Variants in SORBS2 observed in about 807,000 individuals in gnomAD.
The protein encoded by SORBS2 is sorbin and SH3 domain-containing protein 2.
A neutral mutation model predicts 97.7 loss-of-function variants in SORBS2; 46 were observed. The observed-to-expected ratio is 0.47, with a 90% CI of 0.37 to 0.60. The LOEUF (loss-of-function observed/expected upper bound fraction) is 0.60. SORBS2 is among the 20% of genes least tolerant of loss of function. The probability of loss-of-function intolerance (pLI) is 0.00; values close to 1 mark genes in which losing one functional copy is unlikely to be tolerated. For synonymous variants in SORBS2, 476 were observed against 473.4 expected (o/e 1.01, Z -0.07); for missense variants, 1,316 against 1,282.3 (o/e 1.03, Z -0.40).
chr4:185,804,845 G>C (rs932150984), intron 1 of SORBS2, among the ~76,000 whole-genome samples: 3 of 151,410 alleles, frequency 2.0e-5, no homozygotes, highest in African/African-American at 7.2e-5. Flanking sequence ...TTGATTGACT[G>C]TGTAAGGTCT....
intron 4 of SORBS2, among the ~76,000 whole-genome samples, chr4:185,642,539 C>T (rs546459728): frequency 6.6e-6 from 1 of 152,142 alleles, no homozygotes; most frequent in South Asian, 2.1e-4. Context: ...AAATACGGTT[C>T]TGATTTGTGG....
chr4:185,947,687 T>G (rs980598958), intron 1 of SORBS2, among the ~76,000 whole-genome samples: 1 of 152,208 alleles, frequency 6.6e-6, no homozygotes, highest in Non-Finnish European at 1.5e-5. Context: ...TCTAGCTTAC[T>G]GCAACCTCCG....
chr4:185,789,107 C>T (rs1352890430), intron 1 of SORBS2, among the ~76,000 whole-genome samples: 1 of 152,312 alleles, frequency 6.6e-6, no homozygotes, highest in East Asian at 1.9e-4. Flanking sequence ...ACTTACAGAT[C>T]AAGGACCAGG....
At chr4:185,921,775 G>T (rs555488886) in intron 1 of SORBS2, among the ~76,000 whole-genome samples, 1 of 152,316 alleles carries the variant, frequency 6.6e-6, no homozygotes, top group South Asian at 2.1e-4. Context: ...CAGGATGTCT[G>T]CAAGCCTTCC....
At chr4:185,908,306 T>TACACACAA (rs1318694944) in intron 1 of SORBS2, among the ~76,000 whole-genome samples, 10 of 110,260 alleles carry the variant, frequency 9.1e-5, no homozygotes, top group African/African-American at 3.4e-4. Context: ...TATATATATA[T>TACACACAA]ATATATATAT....
intron 2 of SORBS2, chr4:185,709,824 T>C (rs1448538823): frequency 6.6e-6 from 1 of 152,006 alleles, no homozygotes. Flanking sequence ...ACATTTCTGA[T>C]ATTACTGCCA....
intron 12 of SORBS2, among the ~76,000 whole-genome samples, chr4:185,597,474 C>T (rs1467974931): frequency 4.6e-5 from 7 of 151,964 alleles, no homozygotes; most frequent in Non-Finnish European, 8.8e-5. Flanking sequence ...AATGGTAAAC[C>T]AAAACCCAAA....
intron 1 of SORBS2, among the ~76,000 whole-genome samples, chr4:185,781,858 C>G (rs900316031): frequency 5.3e-5 from 8 of 152,290 alleles, no homozygotes; most frequent in Non-Finnish European, 1.2e-4. Context: ...CTTCCCTGCT[C>G]CACCAGCGTA....
intron 1 of SORBS2, among the ~76,000 whole-genome samples, chr4:185,841,126 G>T (rs1000762627): frequency 8.5e-5 from 13 of 152,204 alleles, no homozygotes; most frequent in Non-Finnish European, 1.3e-4. Flanking sequence ...GATGTTAAAG[G>T]CCAGGCCTTT....
chr4:185,767,207 T>C (rs866339777), intron 2 of SORBS2, among the ~76,000 whole-genome samples: 26 of 152,034 alleles, frequency 1.7e-4, no homozygotes, highest in African/African-American at 5.3e-4. Context: ...TTATTGAAAA[T>C]GAAAGAGCTG....
At chr4:185,636,766 G>A (rs949150323) in intron 4 of SORBS2, among the ~76,000 whole-genome samples, 20 of 151,242 alleles carry the variant, frequency 1.3e-4, no homozygotes, top group African/African-American at 4.1e-4. Context: ...CTCCTGCCTC[G>A]GTCTCCCAAG....
chr4:185,734,461 T>G (rs1255577683), intron 2 of SORBS2, among the ~76,000 whole-genome samples: 1 of 152,158 alleles, frequency 6.6e-6, no homozygotes, highest in African/African-American at 2.4e-5. Context: ...CAGGGTGATA[T>G]TGGCAGCCTC....
At chr4:185,851,500 T>C (rs2099217874) in intron 1 of SORBS2, among the ~76,000 whole-genome samples, 1 of 152,196 alleles carries the variant, frequency 6.6e-6, no homozygotes, top group African/African-American at 2.4e-5. Flanking sequence ...TTTAAAATCA[T>C]ATTCACATAT....
intron 2 of SORBS2, among the ~76,000 whole-genome samples, chr4:185,767,356 C>T (rs1448246170): frequency 7.1e-6 from 1 of 141,366 alleles, no homozygotes; most frequent in Non-Finnish European, 1.6e-5. Context: ...AAAAATTAGC[C>T]GGGCGTGGTG....
At chr4:185,863,785 T>A (rs2099225257) in intron 1 of SORBS2, among the ~76,000 whole-genome samples, 1 of 152,204 alleles carries the variant, frequency 6.6e-6, no homozygotes, top group Admixed American at 6.5e-5. Flanking sequence ...TTTTTATTAA[T>A]CTATCAAATG....
chr4:185,666,982 G>A (rs907896875), intron 4 of SORBS2, among the ~76,000 whole-genome samples: 2 of 152,174 alleles, frequency 1.3e-5, no homozygotes, highest in African/African-American at 4.8e-5. Flanking sequence ...CATAGCGAAG[G>A]GATGCTCTGT....
At chr4:185,858,318 C>G (rs1268364583) in intron 1 of SORBS2, among the ~76,000 whole-genome samples, 1 of 152,166 alleles carries the variant, frequency 6.6e-6, no homozygotes, top group African/African-American at 2.4e-5. Flanking sequence ...GAAGAAGGCC[C>G]TCACCAGTCT....
intron 1 of SORBS2, among the ~76,000 whole-genome samples, chr4:185,925,250 C>G (rs2099263048): frequency 6.6e-6 from 1 of 152,144 alleles, no homozygotes; most frequent in African/African-American, 2.4e-5. Context: ...AGAATATATC[C>G]TCTAATGCCA....
chr4:185,730,084 C>G (rs1400335997), intron 2 of SORBS2, among the ~76,000 whole-genome samples: 1 of 152,116 alleles, frequency 6.6e-6, no homozygotes, highest in Non-Finnish European at 1.5e-5. Context: ...TCCCGAGTAG[C>G]TGGGACTACA....
Sources: allele counts gnomAD v4.1 joint callset (sites outside exome capture counted in the v4.1 genomes callset), GRCh38; gene constraint gnomAD v4.1.1; transcripts MANE v1.5; gene names NCBI Gene and HGNC (gene_info 2026-07-23, HGNC 2026-07-21).